CBFA2T2: variants seen among roughly 807,000 people sequenced by gnomAD.
CBFA2T2 encodes the protein CBFA2/RUNX1 partner transcriptional co-repressor 2, also known as protein CBFA2T2.
A neutral mutation model predicts 62.2 loss-of-function variants in CBFA2T2; 11 were observed. The ratio of observed to expected loss-of-function variants is 0.18; its 90% CI spans 0.11 to 0.29. The LOEUF is 0.29. Ranked by LOEUF, CBFA2T2 falls within the 10% of genes least tolerant of loss-of-function variation. The probability of loss-of-function intolerance (pLI) is 1.00; values close to 1 mark genes in which losing one functional copy is unlikely to be tolerated. For synonymous variants in CBFA2T2, 295 were observed against 287.5 expected (o/e 1.03, Z -0.27); for missense variants, 592 against 774.1 (o/e 0.76, Z 2.79).
chr20:33,497,645 G>A (rs1206322943), intron 1 of CBFA2T2, among the ~76,000 whole-genome samples: 2 of 151,222 alleles, frequency 1.3e-5, no homozygotes, highest in Admixed American at 6.6e-5. Context: ...TGCCTCCCGG[G>A]TTCCAGCGAT....
intron 3 of CBFA2T2, among the ~76,000 whole-genome samples, chr20:33,618,704 G>A (rs2015810038): frequency 6.6e-6 from 1 of 152,132 alleles, no homozygotes; most frequent in African/African-American, 2.4e-5. Flanking sequence ...CCAGGAGGTA[G>A]GGGGCAGAAC....
At chr20:33,543,639 A>G (rs1278439109) in intron 1 of CBFA2T2, among the ~76,000 whole-genome samples, 2 of 152,130 alleles carry the variant, frequency 1.3e-5, no homozygotes, top group South Asian at 2.1e-4. Flanking sequence ...AAGAACATAC[A>G]AAGATTCATT....
At chr20:33,492,502 A>G (rs73119111) in intron 1 of CBFA2T2, among the ~76,000 whole-genome samples, 20,997 of 151,072 alleles carry the variant, frequency 0.14, 2,008 homozygotes, top group East Asian at 0.4. Context: ...TCTGTTACGT[A>G]ACTACATTTT....
Position 33,623,964 on chromosome 20 carries a change from A to G in CBFA2T2, c.692+668A>G, listed in dbSNP as rs570551437. ...TTGTAGAAAGAATTGGAAAAAAAAA[A>G]AAAAGAAAAGAAAAGAAAAAACAAA... On this transcript the variant is annotated intron_variant, in intron 5 of 10. Transcript: ENST00000342704. 703 of 604,362 alleles carry G rather than the reference A, an allele frequency of 1.2e-3. 5 individuals carry two copies. Among genetic ancestry groups the G allele is most frequent in the East Asian group, 4.8e-3 (167 of 34,864 alleles). The allele number at this position is 604,362 out of a possible 1,614,324, so 37.4% of individuals were successfully genotyped here. A position where few individuals can be genotyped will look rare whatever the true frequency, so the allele number is the denominator to read the frequency against.
At chr20:33,554,530 T>TGAGC (rs1239396421) in intron 1 of CBFA2T2, among the ~76,000 whole-genome samples, 2 of 151,528 alleles carry the variant, frequency 1.3e-5, no homozygotes, top group Non-Finnish European at 2.9e-5. Context: ...GTTACAGGGG[T>TGAGC]GAGCCACTGC....
intron 10 of CBFA2T2, among the ~76,000 whole-genome samples, chr20:33,642,112 TTTTTTGTGTGTGTGTGTGTGTGTG>T (rs950570888): frequency 5.4e-5 from 4 of 74,612 alleles, no homozygotes; most frequent in African/African-American, 1.0e-4. Context: ...TGTCTTTTTT[TTTTTTGTGTGTGTGTGTGTGTGTG>T]TGTGTGTGTG....
chr20:33,551,463 G>C (rs533895599), intron 1 of CBFA2T2, among the ~76,000 whole-genome samples: 13 of 151,798 alleles, frequency 8.6e-5, no homozygotes, highest in African/African-American at 2.7e-4. Flanking sequence ...TGATCTGCCT[G>C]CCTTGGCCTC....
chr20:33,576,925 C>T (rs2013855589), intron 1 of CBFA2T2, among the ~76,000 whole-genome samples: 1 of 152,232 alleles, frequency 6.6e-6, no homozygotes, highest in Non-Finnish European at 1.5e-5. Context: ...ATAGCTGCTA[C>T]TTTTCTCTGT....
chr20:33,598,821 A>G (rs1448001772), intron 1 of CBFA2T2, among the ~76,000 whole-genome samples: 2 of 152,266 alleles, frequency 1.3e-5, no homozygotes, highest in African/African-American at 4.8e-5. Flanking sequence ...ATAAATGTCC[A>G]TGAAATCTTC....
chr20:33,524,617 A>G (rs2011834018), intron 1 of CBFA2T2, among the ~76,000 whole-genome samples: 1 of 152,222 alleles, frequency 6.6e-6, no homozygotes, highest in African/African-American at 2.4e-5. Flanking sequence ...AAAAAAATCC[A>G]GATGCTCACT....
intron 1 of CBFA2T2, among the ~76,000 whole-genome samples, chr20:33,498,283 G>A (rs936837779): frequency 1.7e-5 from 2 of 117,384 alleles, no homozygotes; most frequent in East Asian, 4.7e-4. Context: ...TTTCCCTTTT[G>A]TTGCCCAGGC....
intron 1 of CBFA2T2, among the ~76,000 whole-genome samples, chr20:33,524,187 A>G (rs139809315): frequency 1.9e-4 from 29 of 152,268 alleles, no homozygotes; most frequent in African/African-American, 6.7e-4. Context: ...CCTGGCACAT[A>G]GTTAACATTT....
intron 1 of CBFA2T2, among the ~76,000 whole-genome samples, chr20:33,495,324 G>A (rs1007679530): frequency 6.6e-6 from 1 of 150,720 alleles, no homozygotes; most frequent in African/African-American, 2.4e-5. Context: ...AGGCAGAGGT[G>A]GCCGTGAGCT....
intron 8 of CBFA2T2, among the ~76,000 whole-genome samples, chr20:33,632,636 G>GT (rs1260741221): frequency 2.0e-3 from 285 of 142,638 alleles, no homozygotes; most frequent in African/African-American, 2.7e-3. Flanking sequence ...ACCCGGCTGA[G>GT]TTTTTTTTTT....
chr20:33,523,515 T>C (rs1441968593), intron 1 of CBFA2T2, among the ~76,000 whole-genome samples: 2 of 152,168 alleles, frequency 1.3e-5, no homozygotes, highest in African/African-American at 4.8e-5. Flanking sequence ...GGGGTTCTTA[T>C]CTAGATGAGA....
At chr20:33,538,644 G>A (rs1007095108) in intron 1 of CBFA2T2, among the ~76,000 whole-genome samples, 7 of 152,166 alleles carry the variant, frequency 4.6e-5, no homozygotes, top group African/African-American at 1.4e-4. Context: ...GGGATTACAG[G>A]CATGAGCCAC....
At chr20:33,593,286 T>G (rs1294914782) in intron 1 of CBFA2T2, among the ~76,000 whole-genome samples, 2 of 151,880 alleles carry the variant, frequency 1.3e-5, no homozygotes, top group Admixed American at 6.6e-5. Context: ...GAGCCGAGAT[T>G]GTGCCACTGC....
At chr20:33,588,587 A>T (rs1313013357) in intron 1 of CBFA2T2, among the ~76,000 whole-genome samples, 1 of 152,182 alleles carries the variant, frequency 6.6e-6, no homozygotes, top group Non-Finnish European at 1.5e-5. Flanking sequence ...CAACACTATA[A>T]TTAAGAGCAG....
At chr20:33,598,816 T>C (rs1308900375) in intron 1 of CBFA2T2, among the ~76,000 whole-genome samples, 1 of 152,246 alleles carries the variant, frequency 6.6e-6, no homozygotes, top group African/African-American at 2.4e-5. Flanking sequence ...AACTAATAAA[T>C]GTCCATGAAA....
Sources: gnomAD v4.1 joint callset for allele counts (sites outside exome capture counted in the v4.1 genomes callset) on GRCh38, gnomAD v4.1.1 for gene constraint, MANE v1.5 for transcripts, NCBI Gene and HGNC (gene_info 2026-07-23, HGNC 2026-07-21) for gene names.